Variants in PDE3A observed in about 807,000 individuals in gnomAD.
PDE3A encodes the protein cGMP-inhibited 3',5'-cyclic phosphodiesterase 3A.
A neutral mutation model predicts 98.3 loss-of-function variants in PDE3A; 43 were observed. The ratio of observed to expected loss-of-function variants is 0.44; its 90% CI spans 0.34 to 0.56. The LOEUF is 0.56. Among genes scored for constraint, PDE3A ranks in the 20% least tolerant of loss-of-function variants. The pLI, the probability that PDE3A is intolerant of heterozygous loss-of-function variation, is 0.01. For synonymous variants in PDE3A, 663 were observed against 567.9 expected (o/e 1.17, Z -2.38); for missense variants, 1,427 against 1,440.7 (o/e 0.99, Z 0.15).
At chr12:20,499,886 G>A (rs1273626637) in intron 1 of PDE3A, among the ~76,000 whole-genome samples, 1 of 152,158 alleles carries the variant, frequency 6.6e-6, no homozygotes, top group East Asian at 1.9e-4. Flanking sequence ...CTGTACGCTT[G>A]TTAATCCTCA....
intron 15 of PDE3A, among the ~76,000 whole-genome samples, chr12:20,660,476 T>C (rs1313385483): frequency 6.6e-6 from 1 of 151,582 alleles, no homozygotes; most frequent in Non-Finnish European, 1.5e-5. Flanking sequence ...TGACAGAAAG[T>C]TTGGAACTTC....
At chr12:20,603,420 A>ACAAT (rs1437617523) in intron 2 of PDE3A, among the ~76,000 whole-genome samples, 2 of 152,352 alleles carry the variant, frequency 1.3e-5, no homozygotes, top group East Asian at 1.9e-4. Context: ...GGACTTCTGT[A>ACAAT]CAATCACTTT....
At chr12:20,437,739 A>G (rs1944803060) in intron 1 of PDE3A, among the ~76,000 whole-genome samples, 1 of 152,148 alleles carries the variant, frequency 6.6e-6, no homozygotes, top group Non-Finnish European at 1.5e-5. Context: ...CCTACCTCCA[A>G]CATTGGGGAT....
intron 1 of PDE3A, among the ~76,000 whole-genome samples, chr12:20,410,052 A>T (rs553869582): frequency 6.6e-6 from 1 of 152,182 alleles, no homozygotes. Flanking sequence ...TCTATCCTAC[A>T]TGTCTGTTAG....
intron 4 of PDE3A, among the ~76,000 whole-genome samples, chr12:20,616,723 C>T (rs1278904629): frequency 2.0e-5 from 3 of 151,996 alleles, no homozygotes. Flanking sequence ...CAAAAGCATA[C>T]AACTTGACAT....
intron 1 of PDE3A, among the ~76,000 whole-genome samples, chr12:20,532,775 G>A (rs1001549592): frequency 1.4e-5 from 2 of 145,404 alleles, no homozygotes; most frequent in Admixed American, 7.1e-5. Context: ...TGCAAGCTCC[G>A]CCTCCCGGGT....
At chr12:20,370,400 GTTTTTTTTGTTTTTTTTTTT>G (rs906745944) in intron 1 of PDE3A, 156 bp downstream of exon 1, 13 of 359,858 alleles carry the variant, frequency 3.6e-5, no homozygotes, top group Admixed American at 5.3e-5. Flanking sequence ...TTTTTTTTTT[GTTTTTTTTGTTTTTTTTTTT>G]TTGTTTTTTT....
intron 2 of PDE3A, 112 bp downstream of exon 2, chr12:20,556,822 C>A: frequency 1.3e-6 from 1 of 788,304 alleles, no homozygotes; most frequent in Non-Finnish European, 2.2e-6. Context: ...GGCAAAATAA[C>A]CATGCCATTT....
chr12:20,483,725 C>A (rs1945673407), intron 1 of PDE3A, among the ~76,000 whole-genome samples: 1 of 152,042 alleles, frequency 6.6e-6, no homozygotes, highest in Non-Finnish European at 1.5e-5. Flanking sequence ...GATTAAAATT[C>A]AATCTTTTTT....
At chr12:20,574,557 T>G (rs1302343762) in intron 2 of PDE3A, among the ~76,000 whole-genome samples, 2 of 151,946 alleles carry the variant, frequency 1.3e-5, no homozygotes, top group Non-Finnish European at 2.9e-5. Flanking sequence ...GAATAAACAC[T>G]CTTATTTAGA....
intron 1 of PDE3A, among the ~76,000 whole-genome samples, chr12:20,435,157 A>G (rs529096738): frequency 3.4e-4 from 52 of 152,260 alleles, no homozygotes; most frequent in Middle Eastern, 3.4e-3. Flanking sequence ...GGTACTTCCC[A>G]TTTCTCACTC....
chr12:20,577,380 C>G (rs758142980), intron 2 of PDE3A, among the ~76,000 whole-genome samples: 60 of 152,192 alleles, frequency 3.9e-4, no homozygotes, highest in Non-Finnish European at 5.4e-4. Flanking sequence ...GGAATTCACC[C>G]GGTAGATAAT....
rs1592042469 is a variant in PDE3A at position 20,546,013 on chromosome 12, A to G, written c.961-10647A>G. Reference sequence around the variant, plus strand: ...GTGATGAAGTAGCTGTAATAGAGGTATTGTGTTTATGAGACTGTGGCTGCT... The same window carrying G: ...GTGATGAAGTAGCTGTAATAGAGGTGTTGTGTTTATGAGACTGTGGCTGCT... On this transcript the variant is annotated intron_variant, in intron 1 of 15. Transcript: ENST00000359062. Among the ~76,000 whole-genome samples, 6 of 152,058 alleles carry G rather than the reference A, an allele frequency of 3.9e-5. No homozygotes were observed. The South Asian group carries it at 1.2e-3, about 32-fold the overall frequency.
At position 20,687,622 on chromosome 12, in the gene PDE3A, T is replaced by C. The variant is rs1178354571; in HGVS notation, c.*7351T>C. The stretch of plus-strand genomic sequence containing the variant: ...GATAAGCACTGGTAATAAATATCAC[T>C]GAACCCACCCACCCCCTGATATTTC... On this transcript the variant is annotated 3_prime_UTR_variant, in exon 16 of 16. Coordinates refer to ENST00000359062, the MANE Select transcript of PDE3A (RefSeq NM_000921.5). Among the ~76,000 whole-genome samples the C allele has an allele frequency of 6.6e-6, 1 of 151,992 alleles. No homozygotes were observed. The highest frequency in any genetic ancestry group is 1.5e-5 in the Non-Finnish European group (1 of 67,922).
intron 2 of PDE3A, among the ~76,000 whole-genome samples, chr12:20,608,529 A>T (rs1224394830): frequency 6.6e-6 from 1 of 152,190 alleles, no homozygotes; most frequent in African/African-American, 2.4e-5. Context: ...TAGCATCAAA[A>T]TACATAATGT....
chr12:20,563,320 G>C (rs538768606), intron 2 of PDE3A, among the ~76,000 whole-genome samples: 1 of 152,198 alleles, frequency 6.6e-6, no homozygotes, highest in East Asian at 1.9e-4. Context: ...ATATTTATCT[G>C]GAGTAATGCC....
intron 1 of PDE3A, among the ~76,000 whole-genome samples, chr12:20,532,613 A>G (rs1019076549): frequency 2.6e-5 from 4 of 152,166 alleles, no homozygotes; most frequent in African/African-American, 9.6e-5. Context: ...AATATTAGCA[A>G]TACTGACAAG....
intron 4 of PDE3A, among the ~76,000 whole-genome samples, chr12:20,620,003 G>A (rs1452493446): frequency 6.6e-6 from 1 of 151,994 alleles, no homozygotes; most frequent in Non-Finnish European, 1.5e-5. Context: ...CCTTTGAGAG[G>A]TCTATTAGTA....
At position 20,637,133 on chromosome 12, in the gene PDE3A, A is replaced by G; in HGVS notation, c.2035A>G (p.Met679Val). Reference protein sequence around the residue: ...KPILAPEPLVMDNLDSIMEQL... With the variant: ...KPILAPEPLVVDNLDSIMEQL... ...AATTCTTGCTCCCGAACCTCTTGTC[A>G]TGGATAACCTGGACTCAATTATGGA... The change falls in exon 9 of 16, where the codon ATG becomes GTG. Residue 679 changes from methionine to valine, a missense_variant. Met to Val is a conservative substitution (Grantham distance 21, BLOSUM62 1). Transcript: ENST00000359062. 2 of 1,609,968 alleles carry G rather than the reference A, an allele frequency of 1.2e-6. No homozygotes were observed. Among genetic ancestry groups the G allele is most frequent in the Non-Finnish European group, 1.7e-6 (2 of 1,177,792 alleles).
Sources: gnomAD v4.1 joint callset for allele counts (sites outside exome capture counted in the v4.1 genomes callset) on GRCh38, gnomAD v4.1.1 for gene constraint, MANE v1.5 for transcripts, NCBI Gene and HGNC (gene_info 2026-07-23, HGNC 2026-07-21) for gene names.